Variants in SGCZ observed in about 807,000 individuals in gnomAD.
SGCZ encodes sarcoglycan zeta.
In SGCZ, 40 loss-of-function variants were observed where a neutral mutation model predicts 41.3. That is an observed-to-expected ratio of 0.97 (90% confidence interval 0.75 to 1.26). The LOEUF (loss-of-function observed/expected upper bound fraction) is 1.26. Ranked by LOEUF, SGCZ falls within the 50% of genes most tolerant of loss-of-function variation. The pLI is 0.00. For missense variants in SGCZ, 552 were observed against 369.8 expected (o/e 1.49, Z -4.04); for synonymous variants, 206 against 137.5 (o/e 1.50, Z -3.49).
intron 2 of SGCZ, among the ~76,000 whole-genome samples, chr8:14,349,056 AT>A (rs1177330762): frequency 6.6e-6 from 1 of 152,094 alleles, no homozygotes; most frequent in Non-Finnish European, 1.5e-5. Flanking sequence ...AGAGGAATGC[AT>A]TTTCCTTAGA....
At chr8:14,713,497 C>T (rs999555898) in intron 1 of SGCZ, among the ~76,000 whole-genome samples, 4 of 152,032 alleles carry the variant, frequency 2.6e-5, no homozygotes, top group African/African-American at 9.7e-5. Context: ...TAGGATAAAA[C>T]TGACCAACTG....
chr8:14,243,093 T>C (rs1441462246), intron 3 of SGCZ, among the ~76,000 whole-genome samples: 1 of 152,212 alleles, frequency 6.6e-6, no homozygotes, highest in Non-Finnish European at 1.5e-5. Flanking sequence ...GGGTATGTTA[T>C]AAACTGTCAT....
intron 2 of SGCZ, among the ~76,000 whole-genome samples, chr8:14,401,989 G>A (rs1184228904): frequency 3.3e-5 from 5 of 151,950 alleles, no homozygotes; most frequent in Non-Finnish European, 7.3e-5. Flanking sequence ...TCTAACTGGT[G>A]TGGGATGGTA....
chr8:14,085,638 A>G lies in SGCZ; in HGVS notation c.*4805T>C, dbSNP rs1247148829. 1.3e-5 allele frequency among the ~76,000 whole-genome samples: 2 copies of G among 151,758 alleles called. No individual in the cohort carries two copies. Among genetic ancestry groups the G allele is most frequent in the Non-Finnish European group, 2.9e-5 (2 of 67,806 alleles). ...GTGTTCAGCAAGCAGTGAAAGTTGA[A>G]ACTCAGCTGAGGAGATCCATGCTGG... On this transcript the variant is annotated 3_prime_UTR_variant, in exon 8 of 8. Transcript: ENST00000382080.
At chr8:15,177,028 A>C in intron 1 of SGCZ, among the ~76,000 whole-genome samples, 1 of 152,322 alleles carries the variant, frequency 6.6e-6, no homozygotes. Flanking sequence ...AAAGAAAGAA[A>C]GACACTATAT....
chr8:14,607,040 T>C (rs2117328477), intron 1 of SGCZ, among the ~76,000 whole-genome samples: 1 of 152,284 alleles, frequency 6.6e-6, no homozygotes, highest in East Asian at 1.9e-4. Flanking sequence ...AGAAAATCAC[T>C]GATCCGACAG....
intron 1 of SGCZ, among the ~76,000 whole-genome samples, chr8:14,562,248 T>G (rs1028612137): frequency 1.3e-5 from 2 of 152,272 alleles, no homozygotes; most frequent in African/African-American, 4.8e-5. Flanking sequence ...TATTCAGGAC[T>G]GGGAATAGTA....
Position 14,325,362 on chromosome 8 carries a change from T to C in SGCZ, c.235-1158A>G, listed in dbSNP as rs531112732. Among the ~76,000 whole-genome samples the C allele has an allele frequency of 2.0e-3, 296 of 151,744 alleles. 1 individual carries two copies. Among genetic ancestry groups the C allele is most frequent in the African/African-American group, 6.9e-3 (287 of 41,452 alleles). ...TCACAACTAAGCATGAATAAGAAAA[T>C]ATAGTGACTTTAAAAACTGAAATAG... On this transcript the variant is annotated intron_variant, in intron 2 of 7. Transcript: ENST00000382080.
At chr8:14,814,741 C>A (rs1352967349) in intron 1 of SGCZ, among the ~76,000 whole-genome samples, 1 of 152,120 alleles carries the variant, frequency 6.6e-6, no homozygotes, top group African/African-American at 2.4e-5. Context: ...CAAATCTCAT[C>A]ATTTCCTTGC....
At chr8:14,339,136 G>A (rs1468488488) in intron 2 of SGCZ, among the ~76,000 whole-genome samples, 1 of 152,136 alleles carries the variant, frequency 6.6e-6, no homozygotes, top group Non-Finnish European at 1.5e-5. Flanking sequence ...AGAAAAATCA[G>A]TGCTACGAAA....
chr8:14,322,387 C>T (rs192916077), intron 3 of SGCZ, among the ~76,000 whole-genome samples: 3 of 152,052 alleles, frequency 2.0e-5, no homozygotes, highest in Admixed American at 6.6e-5. Flanking sequence ...TTAGCTTTCT[C>T]GGGGATGGAA....
intron 1 of SGCZ, among the ~76,000 whole-genome samples, chr8:14,924,069 A>G (rs1799670800): frequency 6.6e-6 from 1 of 152,240 alleles, no homozygotes; most frequent in Admixed American, 6.5e-5. Context: ...CATGGTTGTG[A>G]TGAAGGCAGT....
intron 1 of SGCZ, among the ~76,000 whole-genome samples, chr8:14,818,248 C>T (rs1351281392): frequency 6.6e-6 from 1 of 152,160 alleles, no homozygotes; most frequent in East Asian, 1.9e-4. Flanking sequence ...GCCTGTTAGG[C>T]CTCTGTACAC....
At chr8:14,942,026 G>T (rs1800292075) in intron 1 of SGCZ, among the ~76,000 whole-genome samples, 3 of 151,892 alleles carry the variant, frequency 2.0e-5, no homozygotes, top group Admixed American at 6.6e-5. Context: ...CAACAATTGG[G>T]CTATTTAAAG....
chr8:14,952,881 G>T (rs4582563), intron 1 of SGCZ, among the ~76,000 whole-genome samples: 3 of 152,020 alleles, frequency 2.0e-5, no homozygotes, highest in South Asian at 2.1e-4. Flanking sequence ...ACTGTGTGCT[G>T]GAAACCATTC....
chr8:14,777,063 G>C (rs1024016677), intron 1 of SGCZ, among the ~76,000 whole-genome samples: 1 of 152,160 alleles, frequency 6.6e-6, no homozygotes, highest in African/African-American at 2.4e-5. Context: ...TGAATCCCAA[G>C]TGTGGTGACT....
At chr8:14,847,943 A>G (rs1803191497) in intron 1 of SGCZ, among the ~76,000 whole-genome samples, 1 of 152,166 alleles carries the variant, frequency 6.6e-6, no homozygotes, top group African/African-American at 2.4e-5. Context: ...AGATTGGAAA[A>G]CAAAGATGTC....
intron 1 of SGCZ, among the ~76,000 whole-genome samples, chr8:14,929,204 G>T (rs1799855393): frequency 6.6e-6 from 1 of 152,048 alleles, no homozygotes; most frequent in African/African-American, 2.4e-5. Context: ...TATTGGCCAG[G>T]CTGGTCTCGA....
At chr8:14,795,506 A>G (rs1441934) in intron 1 of SGCZ, among the ~76,000 whole-genome samples, 107,317 of 151,516 alleles carry the variant, frequency 0.71, 39,087 homozygotes, top group African/African-American at 0.89. Context: ...ACAGTGGTGA[A>G]GTCATACCTT....
Sources: allele counts gnomAD v4.1 joint callset (sites outside exome capture counted in the v4.1 genomes callset), GRCh38; gene constraint gnomAD v4.1.1; transcripts MANE v1.5; gene names NCBI Gene and HGNC (gene_info 2026-07-23, HGNC 2026-07-21).